The following MAP2K4 variants were observed in gnomAD, a reference collection of about 807,000 sequenced individuals.
The protein encoded by MAP2K4 is dual specificity mitogen-activated protein kinase kinase 4.
MAP2K4 carries 4 observed loss-of-function variants against 48.5 expected under a neutral mutation model. The ratio of observed to expected loss-of-function variants is 0.08; its 90% CI spans 0.04 to 0.19. The LOEUF is 0.19. Among genes scored for constraint, MAP2K4 ranks in the 10% least tolerant of loss-of-function variants. MAP2K4 has a pLI of 1.00. For missense variants in MAP2K4, 258 were observed against 493.3 expected (o/e 0.52, Z 4.52); for synonymous variants, 166 against 173.1 (o/e 0.96, Z 0.32).
At chr17:12,121,832 T>C (rs1170314742) in intron 7 of MAP2K4, among the ~76,000 whole-genome samples, 2 of 152,224 alleles carry the variant, frequency 1.3e-5, no homozygotes, top group Admixed American at 6.5e-5. Context: ...ATGGTTACTA[T>C]TTGTAATGTT....
intron 4 of MAP2K4, among the ~76,000 whole-genome samples, chr17:12,102,920 A>T (rs1020021407): frequency 1.3e-5 from 2 of 150,936 alleles, no homozygotes; most frequent in Non-Finnish European, 3.0e-5. Context: ...TGATACTGGT[A>T]ATTTATGTCT....
At chr17:12,049,748 C>T in intron 1 of MAP2K4, among the ~76,000 whole-genome samples, 1 of 152,150 alleles carries the variant, frequency 6.6e-6, no homozygotes, top group East Asian at 1.9e-4. Flanking sequence ...TTAAATCAAG[C>T]CCCAAGGCCA....
intron 1 of MAP2K4, among the ~76,000 whole-genome samples, chr17:12,053,002 T>C (rs1597415812): frequency 6.6e-6 from 1 of 152,036 alleles, no homozygotes; most frequent in African/African-American, 2.4e-5. Flanking sequence ...ACCTAAATAT[T>C]ACCAGCTCAA....
intron 1 of MAP2K4, among the ~76,000 whole-genome samples, chr17:12,048,779 C>T (rs1424432453): frequency 6.6e-6 from 1 of 152,080 alleles, no homozygotes; most frequent in Non-Finnish European, 1.5e-5. Flanking sequence ...GCCTCAGCCT[C>T]CCGAGTAGCT....
At chr17:12,106,323 A>G (rs758476170) in intron 4 of MAP2K4, among the ~76,000 whole-genome samples, 26 of 152,174 alleles carry the variant, frequency 1.7e-4, no homozygotes, top group African/African-American at 7.2e-5. Flanking sequence ...TCTAAAGAAA[A>G]AGAGATTTAC....
At chr17:12,119,745 A>G (rs867008721) in intron 7 of MAP2K4, among the ~76,000 whole-genome samples, 7 of 152,218 alleles carry the variant, frequency 4.6e-5, no homozygotes, top group South Asian at 2.1e-4. Flanking sequence ...ATCAACCTAA[A>G]TGTCCATCAG....
intron 3 of MAP2K4, among the ~76,000 whole-genome samples, chr17:12,087,094 G>T (rs983323499): frequency 2.6e-5 from 4 of 152,038 alleles, no homozygotes; most frequent in Non-Finnish European, 5.9e-5. Context: ...TGATCTGCCC[G>T]CCTCAGCCTC....
At chr17:12,116,553 A>G (rs1386960812) in intron 7 of MAP2K4, among the ~76,000 whole-genome samples, 1 of 152,212 alleles carries the variant, frequency 6.6e-6, no homozygotes, top group Admixed American at 6.5e-5. Context: ...CACACTGTAC[A>G]GCCGTACAAA....
intron 2 of MAP2K4, among the ~76,000 whole-genome samples, chr17:12,059,757 G>A (rs1486669989): frequency 1.3e-5 from 2 of 152,184 alleles, no homozygotes. Context: ...AAAGTCCCTA[G>A]TTAATAACTA....
At chr17:12,115,527 A>T in intron 7 of MAP2K4, 1 of 518,882 alleles carries the variant, frequency 1.9e-6, no homozygotes, top group Non-Finnish European at 3.4e-6. Flanking sequence ...AAGGAGGTAG[A>T]GGTGACGGGC....
At chr17:12,080,504 C>T (rs916446790) in intron 2 of MAP2K4, among the ~76,000 whole-genome samples, 6 of 152,012 alleles carry the variant, frequency 3.9e-5, no homozygotes, top group Non-Finnish European at 8.8e-5. Context: ...CTTTGATCTC[C>T]AGGTTGAGAT....
chr17:12,117,530 A>G (rs1972543173), intron 7 of MAP2K4, among the ~76,000 whole-genome samples: 1 of 152,176 alleles, frequency 6.6e-6, no homozygotes, highest in Non-Finnish European at 1.5e-5. Context: ...TGCAGGCAAG[A>G]TGTGCTAATG....
At chr17:12,103,239 G>A (rs992486162) in intron 4 of MAP2K4, among the ~76,000 whole-genome samples, 1 of 150,002 alleles carries the variant, frequency 6.7e-6, no homozygotes, top group African/African-American at 2.5e-5. Flanking sequence ...TGGAGGTGGG[G>A]TCTCACTTTG....
rs140568830 is a variant in MAP2K4, at chr17:12,087,044, A to G, written c.393+5514A>G. On this transcript the variant is annotated intron_variant, in intron 3 of 10. Coordinates refer to ENST00000353533, the MANE Select transcript of MAP2K4 (RefSeq NM_003010.4). ...GTATTATTAGTAGAGGCGGGGTTTCACCATGTTGGCTAGGCTGGTCTTGAA... is the reference window on the plus strand; with the variant it reads ...GTATTATTAGTAGAGGCGGGGTTTCGCCATGTTGGCTAGGCTGGTCTTGAA... Among the ~76,000 whole-genome samples, 92 of 151,924 alleles carry G rather than the reference A, an allele frequency of 6.1e-4. 1 individual carries two copies. The highest frequency in any genetic ancestry group is 8.5e-4 in the Non-Finnish European group (58 of 67,920).
chr17:12,040,294 GC>G (rs142130709), intron 1 of MAP2K4, among the ~76,000 whole-genome samples: 33,825 of 152,068 alleles, frequency 0.22, 3,957 homozygotes, highest in Middle Eastern at 0.26. Context: ...TGTGTTTGGG[GC>G]ATACGACTGA....
chr17:12,106,689 G>C (rs142796065), intron 4 of MAP2K4, among the ~76,000 whole-genome samples: 148 of 152,188 alleles, frequency 9.7e-4, no homozygotes, highest in Non-Finnish European at 1.9e-3. Context: ...ATACAGAACT[G>C]TATAATTTTT....
chr17:12,134,341 A>C (rs1973135542), intron 9 of MAP2K4, among the ~76,000 whole-genome samples: 1 of 152,254 alleles, frequency 6.6e-6, no homozygotes, highest in African/African-American at 2.4e-5. Context: ...CACAGAAAAA[A>C]AAACAAGGTA....
At chr17:12,110,701 A>G (rs1032514063) in intron 6 of MAP2K4, 2 of 359,504 alleles carry the variant, frequency 5.6e-6, no homozygotes, top group African/African-American at 4.3e-5. Flanking sequence ...CATTTGCCTG[A>G]TAGATAATGT....
chr17:12,134,144 A>G lies in MAP2K4; in HGVS notation c.1040+4857A>G, dbSNP rs563937213. Among the ~76,000 whole-genome samples the G allele has an allele frequency of 2.0e-5, 3 of 151,978 alleles. No individual in the cohort carries two copies. The South Asian group carries it at 6.2e-4, about 32-fold the overall frequency. On this transcript the variant is annotated intron_variant, in intron 9 of 10. Coordinates refer to ENST00000353533, the MANE Select transcript of MAP2K4 (RefSeq NM_003010.4). ...GATGGCTCTCCACCTAGGTGATGAT[A>G]CTGCAATGATGGCTCTCCACCTAGG...
Sources: gnomAD v4.1 joint callset for allele counts (sites outside exome capture counted in the v4.1 genomes callset) on GRCh38, gnomAD v4.1.1 for gene constraint, MANE v1.5 for transcripts, NCBI Gene and HGNC (gene_info 2026-07-23, HGNC 2026-07-21) for gene names.